PARN: variants seen among roughly 807,000 people sequenced by gnomAD.
The protein encoded by PARN is poly(A)-specific ribonuclease.
Under a neutral mutation model 102.8 loss-of-function variants are expected in PARN, and 71 were observed. The ratio of observed to expected loss-of-function variants is 0.69; its 90% CI spans 0.57 to 0.84. PARN has a LOEUF of 0.84. Ranked by LOEUF, PARN falls within the 40% of genes least tolerant of loss-of-function variation. PARN has a pLI of 0.00. For synonymous variants in PARN, 261 were observed against 252.9 expected, an observed-to-expected ratio of 1.03 and a Z score of -0.30; for missense variants, 782 against 760.9, an observed-to-expected ratio of 1.03 and a Z score of -0.33.
At chr16:14,546,116 A>C (rs1330236222) in intron 21 of PARN, among the ~76,000 whole-genome samples, 1 of 152,248 alleles carries the variant, frequency 6.6e-6, no homozygotes, top group African/African-American at 2.4e-5. Context: ...ATCACGAATA[A>C]AAACCAGTTA....
chr16:14,448,315 A>T (rs982329156), intron 22 of PARN, among the ~76,000 whole-genome samples: 8 of 152,096 alleles, frequency 5.3e-5, no homozygotes, highest in Non-Finnish European at 1.2e-4. Context: ...AGTCTGGCTG[A>T]TTTTTGTATT....
intron 21 of PARN, among the ~76,000 whole-genome samples, chr16:14,532,871 T>A (rs867396883): frequency 3.8e-4 from 57 of 149,908 alleles, no homozygotes; most frequent in Middle Eastern, 3.4e-3. Flanking sequence ...CCCCCCCACC[T>A]CCCTCCCGGA....
intron 12 of PARN, among the ~76,000 whole-genome samples, chr16:14,596,106 T>C (rs1015047691): frequency 6.6e-6 from 1 of 152,154 alleles, no homozygotes; most frequent in Non-Finnish European, 1.5e-5. Flanking sequence ...TAATATCACC[T>C]AGGGCCAGAA....
rs540746799 is a variant in PARN at position 14,554,029 on chromosome 16, A to G, written c.1405+36T>C. ...TGACCACCTATACCAAATGAATAGC[A>G]AAACCCTAAAAAGTACATCTGAACT... On this transcript the variant is annotated intron_variant, in intron 20 of 23. Transcript: ENST00000437198. The G allele has an allele frequency of 2.8e-6, 4 of 1,433,448 alleles. No individual in the cohort carries two copies. The African/African-American group carries it at 5.6e-5, about 20-fold the overall frequency. 88.8% of individuals were successfully genotyped at this position (1,433,448 alleles called of 1,614,324 possible).
intron 21 of PARN, among the ~76,000 whole-genome samples, chr16:14,549,212 C>A (rs185554954): frequency 6.6e-6 from 1 of 152,020 alleles, no homozygotes; most frequent in African/African-American, 2.4e-5. Flanking sequence ...GAGACTATAC[C>A]GGAAAATTAA....
chr16:14,621,353 C>CA, intron 5 of PARN, among the ~76,000 whole-genome samples: 1 of 152,320 alleles, frequency 6.6e-6, no homozygotes, highest in African/African-American at 2.4e-5. Flanking sequence ...AATTCAAAGT[C>CA]AGAGTCATCT....
chr16:14,613,782 G>A (rs928951499), intron 6 of PARN, among the ~76,000 whole-genome samples: 2 of 152,178 alleles, frequency 1.3e-5, no homozygotes, highest in African/African-American at 4.8e-5. Context: ...AACATCACCA[G>A]TATTGGGACA....
At chr16:14,590,274 G>GAAA (rs1212064093) in intron 13 of PARN, among the ~76,000 whole-genome samples, 1 of 69,240 alleles carries the variant, frequency 1.4e-5, no homozygotes, top group Non-Finnish European at 2.9e-5. Flanking sequence ...AAAGAGAAGA[G>GAAA]AAAAAAAAAA....
intron 21 of PARN, among the ~76,000 whole-genome samples, chr16:14,537,547 A>G (rs1966662182): frequency 6.6e-6 from 1 of 152,224 alleles, no homozygotes; most frequent in African/African-American, 2.4e-5. Context: ...GTTCATCAAA[A>G]GATGAGTGGA....
chr16:14,515,252 A>G (rs1965404118), intron 21 of PARN, among the ~76,000 whole-genome samples: 1 of 152,012 alleles, frequency 6.6e-6, no homozygotes. Context: ...CTGGGACTAT[A>G]AGCTTGTGCC....
intron 21 of PARN, among the ~76,000 whole-genome samples, chr16:14,533,254 A>C (rs527814565): frequency 6.6e-6 from 1 of 152,168 alleles, no homozygotes; most frequent in South Asian, 2.1e-4. Flanking sequence ...AAAAATATGA[A>C]AACCAGTCAG....
At chr16:14,478,322 A>G (rs369685149) in intron 22 of PARN, among the ~76,000 whole-genome samples, 60 of 152,308 alleles carry the variant, frequency 3.9e-4, no homozygotes, top group East Asian at 3.1e-3. Context: ...AAATATTAAA[A>G]ATAAATAAAT....
chr16:14,625,838 T>C (rs931773705), intron 5 of PARN, among the ~76,000 whole-genome samples: 2 of 152,218 alleles, frequency 1.3e-5, no homozygotes, highest in African/African-American at 4.8e-5. Flanking sequence ...AATGAATTCA[T>C]GTTTTTAGTG....
chr16:14,628,101 A>G, intron 3 of PARN, 71 bp downstream of exon 3: 1 of 914,556 alleles, frequency 1.1e-6, no homozygotes, highest in Non-Finnish European at 1.8e-6. Flanking sequence ...AAGTTTAGTA[A>G]CAATATTTAT....
At chr16:14,510,064 G>A (rs917415361) in intron 21 of PARN, among the ~76,000 whole-genome samples, 13 of 152,204 alleles carry the variant, frequency 8.5e-5, no homozygotes, top group African/African-American at 3.1e-4. Flanking sequence ...TTCCCGTTGA[G>A]AAGGATTCCC....
intron 21 of PARN, among the ~76,000 whole-genome samples, chr16:14,533,453 G>C (rs1233626027): frequency 1.5e-5 from 1 of 67,558 alleles, no homozygotes; most frequent in African/African-American, 6.4e-5. Flanking sequence ...GAGGGAGAGG[G>C]AGAGGGAGAG....
chr16:14,444,297 G>A (rs1961092824), intron 23 of PARN, among the ~76,000 whole-genome samples: 1 of 137,704 alleles, frequency 7.3e-6, no homozygotes, highest in African/African-American at 2.7e-5. Context: ...TTGTCAAGAT[G>A]TCTCTTTCTC....
chr16:14,578,636 A>G (rs1969313421), intron 18 of PARN: 1 of 152,146 alleles, frequency 6.6e-6, no homozygotes, highest in Non-Finnish European at 1.5e-5. Context: ...AGCCTGGGCA[A>G]CAAGAGTGAA....
intron 12 of PARN, among the ~76,000 whole-genome samples, chr16:14,597,512 T>C (rs1363173256): frequency 6.6e-6 from 1 of 151,842 alleles, no homozygotes; most frequent in Non-Finnish European, 1.5e-5. Context: ...CTGGCTAACA[T>C]GGTGAAACCC....
Sources: gnomAD v4.1 joint callset for allele counts (sites outside exome capture counted in the v4.1 genomes callset) on GRCh38, gnomAD v4.1.1 for gene constraint, MANE v1.5 for transcripts, NCBI Gene and HGNC (gene_info 2026-07-23, HGNC 2026-07-21) for gene names.